Variants in ATRNL1 observed in about 807,000 individuals in gnomAD.
The protein encoded by ATRNL1 is attractin-like protein 1.
A neutral mutation model predicts 182.7 loss-of-function variants in ATRNL1; 95 were observed. The observed-to-expected ratio is 0.52, with a 90% confidence interval of 0.44 to 0.62. The LOEUF (loss-of-function observed/expected upper bound fraction) is 0.62, where lower values mean the gene tolerates loss of function less well. Among genes scored for constraint, ATRNL1 ranks in the 20% least tolerant of loss-of-function variants. The pLI is 0.00. For synonymous variants in ATRNL1, 576 were observed against 568.3 expected (o/e 1.01, Z -0.19); for missense variants, 1,471 against 1,679.5 (o/e 0.88, Z 2.17).
chr10:115,883,821 C>T (rs1174905236), intron 28 of ATRNL1, among the ~76,000 whole-genome samples: 1 of 152,198 alleles, frequency 6.6e-6, no homozygotes, highest in Non-Finnish European at 1.5e-5. Flanking sequence ...GGGTAAGAAT[C>T]TCTGACCAGT....
intron 19 of ATRNL1, among the ~76,000 whole-genome samples, chr10:115,389,554 A>ATATATATGTATGTATG (rs1843887523): frequency 1.4e-5 from 1 of 72,554 alleles, no homozygotes; most frequent in African/African-American, 4.9e-5. Flanking sequence ...ATATATATAT[A>ATATATATGTATGTATG]TATATATATA....
chr10:115,462,427 T>C (rs7917898), intron 22 of ATRNL1, among the ~76,000 whole-genome samples: 2 of 151,836 alleles, frequency 1.3e-5, no homozygotes, highest in Non-Finnish European at 2.9e-5. Flanking sequence ...TCCTGGCCAA[T>C]GTGGTGAATC....
intron 8 of ATRNL1, among the ~76,000 whole-genome samples, chr10:115,187,679 T>G (rs574656303): frequency 5.3e-4 from 79 of 149,886 alleles, no homozygotes; most frequent in African/African-American, 1.7e-3. Flanking sequence ...GGTTTTTTTT[T>G]TTTTTTTTTT....
At chr10:115,890,835 G>A (rs782337111) in intron 28 of ATRNL1, among the ~76,000 whole-genome samples, 1 of 152,276 alleles carries the variant, frequency 6.6e-6, no homozygotes, top group South Asian at 2.1e-4. Flanking sequence ...TTGCTTCTGT[G>A]CCAAATTAGT....
At chr10:115,805,975 G>C (rs150674409) in intron 27 of ATRNL1, among the ~76,000 whole-genome samples, 220 of 152,166 alleles carry the variant, frequency 1.4e-3, no homozygotes, top group Middle Eastern at 6.8e-3. Flanking sequence ...AAGTTTTATA[G>C]TACAGTATTT....
chr10:115,782,640 G>A (rs986277804), intron 27 of ATRNL1, among the ~76,000 whole-genome samples: 1 of 152,156 alleles, frequency 6.6e-6, no homozygotes, highest in East Asian at 1.9e-4. Flanking sequence ...GAAACTGGGA[G>A]TCTGTCATGT....
At chr10:115,234,389 A>T (rs540730533) in intron 9 of ATRNL1, among the ~76,000 whole-genome samples, 187 of 152,008 alleles carry the variant, frequency 1.2e-3, no homozygotes, top group African/African-American at 4.2e-3. Flanking sequence ...TTTTGAATGG[A>T]GTTGCTTACA....
intron 26 of ATRNL1, among the ~76,000 whole-genome samples, chr10:115,658,269 G>A (rs1555036650): frequency 6.7e-6 from 1 of 150,132 alleles, no homozygotes; most frequent in East Asian, 2.0e-4. Context: ...CTAATTTTTT[G>A]TATTTTTAGT....
At chr10:115,390,592 A>G (rs1044539208) in intron 19 of ATRNL1, among the ~76,000 whole-genome samples, 2 of 152,026 alleles carry the variant, frequency 1.3e-5, no homozygotes, top group Non-Finnish European at 2.9e-5. Context: ...ATAGGTTTGT[A>G]GTATATTTTG....
At chr10:115,168,639 T>C (rs531734419) in intron 7 of ATRNL1, among the ~76,000 whole-genome samples, 2 of 152,234 alleles carry the variant, frequency 1.3e-5, no homozygotes, top group East Asian at 3.9e-4. Flanking sequence ...TCAAGTCCTT[T>C]GCTTATTTTA....
intron 20 of ATRNL1, 88 bp downstream of exon 20, chr10:115,394,840 G>A (rs1344728188): frequency 8.1e-6 from 8 of 990,480 alleles, no homozygotes; most frequent in African/African-American, 1.7e-5. Flanking sequence ...ATTTAGTGTT[G>A]TGCTAGTTAG....
At chr10:115,778,339 C>A (rs1478308131) in intron 27 of ATRNL1, among the ~76,000 whole-genome samples, 1 of 151,702 alleles carries the variant, frequency 6.6e-6, no homozygotes, top group East Asian at 1.9e-4. Flanking sequence ...GGAAAAAAAA[C>A]TGTAATATAG....
intron 28 of ATRNL1, among the ~76,000 whole-genome samples, chr10:115,883,135 T>G (rs1951864837): frequency 6.6e-6 from 1 of 152,180 alleles, no homozygotes; most frequent in Non-Finnish European, 1.5e-5. Context: ...GGAGTGCATC[T>G]TCTGGACCCT....
chr10:115,737,794 G>A (rs1251892581), intron 27 of ATRNL1, among the ~76,000 whole-genome samples: 2 of 152,126 alleles, frequency 1.3e-5, no homozygotes, highest in African/African-American at 4.8e-5. Context: ...GCCTCTTGGG[G>A]ACCAGAGAGT....
chr10:115,394,701 C>A lies in ATRNL1; in HGVS notation c.3218C>A (p.Thr1073Lys). The A allele has an allele frequency of 6.2e-7, 1 of 1,610,916 alleles. No homozygotes were observed. Among genetic ancestry groups the A allele is most frequent in the East Asian group, 2.2e-5 (1 of 44,758 alleles). The change falls in exon 20 of 29, where the codon ACA becomes AAA. Residue 1073 changes from threonine (T) to lysine (K), a missense_variant. Coordinates refer to ENST00000355044, the MANE Select transcript of ATRNL1 (RefSeq NM_207303.4). The part of the protein sequence containing the change: ...SGHANICHLH[T>K]GKCFCTTKGI... ...CATGCAAATATCTGTCATCTGCACA[C>A]AGGAAAATGTTTCTGCACAACTAAA...
chr10:115,680,107 G>T (rs183324069), intron 26 of ATRNL1, among the ~76,000 whole-genome samples: 1 of 152,104 alleles, frequency 6.6e-6, no homozygotes, highest in African/African-American at 2.4e-5. Flanking sequence ...ATGCCACAGA[G>T]TTTAGGTTTT....
intron 25 of ATRNL1, among the ~76,000 whole-genome samples, chr10:115,540,413 A>G (rs1269366884): frequency 2.6e-5 from 4 of 152,070 alleles, no homozygotes; most frequent in Non-Finnish European, 5.9e-5. Flanking sequence ...ATTATTTATA[A>G]ATAATACCTC....
chr10:115,480,352 T>TA (rs1848711526), intron 24 of ATRNL1, among the ~76,000 whole-genome samples: 1 of 151,126 alleles, frequency 6.6e-6, no homozygotes, highest in African/African-American at 2.4e-5. Context: ...TATATATATA[T>TA]TTTTTAAATT....
At chr10:115,671,049 C>G (rs1002264236) in intron 26 of ATRNL1, among the ~76,000 whole-genome samples, 4 of 152,222 alleles carry the variant, frequency 2.6e-5, no homozygotes, top group Admixed American at 6.6e-5. Context: ...CATTGCAGAA[C>G]ATGCTGATGC....
Sources: allele counts gnomAD v4.1 joint callset (sites outside exome capture counted in the v4.1 genomes callset), GRCh38; gene constraint gnomAD v4.1.1; transcripts MANE v1.5; gene names NCBI Gene and HGNC (gene_info 2026-07-23, HGNC 2026-07-21).